PTPRS: variants seen among roughly 807,000 people sequenced by gnomAD.
The protein encoded by PTPRS is protein tyrosine phosphatase receptor type S.
A neutral mutation model predicts 215.3 loss-of-function variants in PTPRS; 63 were observed. The observed-to-expected ratio is 0.29, with a 90% CI of 0.24 to 0.36. PTPRS has a LOEUF of 0.36. Ranked by LOEUF, PTPRS falls within the 10% of genes least tolerant of loss-of-function variation. The pLI is 1.00. For synonymous variants in PTPRS, 1,404 were observed against 1,191.4 expected (o/e 1.18, Z -3.68); for missense variants, 2,258 against 2,825.8 (o/e 0.80, Z 4.56).
intron 33 of PTPRS, among the ~76,000 whole-genome samples, chr19:5,211,217 G>A (rs769035237): frequency 1.3e-5 from 2 of 152,140 alleles, no homozygotes; most frequent in African/African-American, 4.8e-5. Flanking sequence ...TTGACATTTG[G>A]CGCTGGATTG....
intron 1 of PTPRS, among the ~76,000 whole-genome samples, chr19:5,313,871 C>T (rs1022995839): frequency 5.9e-5 from 9 of 152,028 alleles, no homozygotes; most frequent in Admixed American, 3.9e-4. Context: ...CTGAGGCAGG[C>T]GGACTGCTTG....
chr19:5,206,655 A>G lies in PTPRS; in HGVS notation c.*119T>C, dbSNP rs2144877412. 2.4e-6 allele frequency: 2 copies of G among 841,634 alleles called. No homozygotes were observed. The highest frequency in any genetic ancestry group is 5.1e-5 in the East Asian group (2 of 39,296). The allele number at this position is 841,634 out of a possible 1,614,324, so 52.1% of individuals were successfully genotyped here. A position where few individuals can be genotyped will look rare whatever the true frequency, so the allele number is the denominator to read the frequency against. ...GTCCTCGGAAATGGTGCAGAAACAC[A>G]GCTGCTGCCGCTGCCACCTCCTGCC... is the stretch of plus-strand genomic sequence containing the variant. On this transcript the variant is annotated 3_prime_UTR_variant, in exon 38 of 38. Coordinates refer to ENST00000262963, the MANE Select transcript of PTPRS (RefSeq NM_002850.4).
chr19:5,243,727 C>G (rs932400849), intron 11 of PTPRS, among the ~76,000 whole-genome samples, 174 bp downstream of exon 11: 5 of 152,200 alleles, frequency 3.3e-5, no homozygotes. Flanking sequence ...CCGCCTTGGC[C>G]TCCCAAAGTA....
Position 5,206,738 on chromosome 19 carries a change from G to A in PTPRS, c.*36C>T, listed in dbSNP as rs1192692712. 7 of 1,597,236 alleles carry A rather than the reference G, an allele frequency of 4.4e-6. No homozygotes were observed. The highest frequency in any genetic ancestry group is 1.7e-4 in the Middle Eastern group (1 of 6,040). ...CGCCCGGGAGGGGCAGAGGCATCCG[G>A]GGCCAGTGGTGTCGGGCCTGGGGGG... On this transcript the variant is annotated 3_prime_UTR_variant, in exon 38 of 38. Coordinates refer to ENST00000262963, the MANE Select transcript of PTPRS (RefSeq NM_002850.4).
chr19:5,271,356 G>A (rs553964501), intron 4 of PTPRS, among the ~76,000 whole-genome samples: 18 of 152,080 alleles, frequency 1.2e-4, no homozygotes, highest in South Asian at 2.1e-4. Context: ...TCTGGTTCAC[G>A]GAATTACCCC....
intron 19 of PTPRS, 29 bp from the exon 20 acceptor site, chr19:5,221,282 C>A: frequency 6.3e-7 from 1 of 1,594,448 alleles, no homozygotes; most frequent in South Asian, 1.1e-5. Context: ...TCAGCAGGGC[C>A]TGGTGGGCTC....
At chr19:5,334,402 C>A (rs965059767) in intron 1 of PTPRS, among the ~76,000 whole-genome samples, 1 of 152,228 alleles carries the variant, frequency 6.6e-6, no homozygotes, top group Non-Finnish European at 1.5e-5. Context: ...TGCTTACACA[C>A]GTTAACTCAT....
In PTPRS at chr19:5,214,685, C is replaced by T. The variant is rs369756620; in HGVS notation, c.4370G>A (p.Cys1457Tyr). 65 of 1,612,690 alleles carry T rather than the reference C, an allele frequency of 4.0e-5. No individual in the cohort carries two copies. The highest frequency in any genetic ancestry group is 6.7e-5 in the African/African-American group (5 of 74,954). The change falls in exon 29 of 38, where the codon TGT becomes TAT. Residue 1457 changes from cysteine to tyrosine, a missense_variant. Transcript: ENST00000262963. ...CTGCGTGGCAATGTACGCGTTCTGA[C>T]ACCGGTAGCCGTCCACGTAGTTGGC... ...INANYVDGYR[C>Y]QNAYIATQGP... is the part of the protein sequence containing the mutation.
intron 1 of PTPRS, among the ~76,000 whole-genome samples, chr19:5,303,954 A>AAAAAAAAAAATAATAATAATAATAAT: frequency 1.5e-5 from 2 of 132,254 alleles, no homozygotes; most frequent in African/African-American, 6.1e-5. Flanking sequence ...CTGTCTCAAA[A>AAAAAAAAAAATAATAATAATAATAAT]AATAATAATA....
intron 1 of PTPRS, among the ~76,000 whole-genome samples, chr19:5,296,202 T>C (rs1248625673): frequency 1.3e-5 from 2 of 151,978 alleles, no homozygotes; most frequent in African/African-American, 4.8e-5. Flanking sequence ...ACAAAAGAAA[T>C]CAAATCCACT....
intron 1 of PTPRS, among the ~76,000 whole-genome samples, chr19:5,329,133 T>C (rs1441643747): frequency 6.6e-6 from 1 of 151,860 alleles, no homozygotes; most frequent in Admixed American, 6.6e-5. Context: ...AGGGGTGGCC[T>C]GGCCAGAAAC....
chr19:5,229,281 A>T lies in PTPRS; in HGVS notation c.2376+35T>A, dbSNP rs753386477. The T allele has an allele frequency of 2.2e-6, 3 of 1,369,504 alleles. No individual in the cohort carries two copies. In the Admixed American group the frequency reaches 9.4e-5, roughly 43 times the overall value. The allele number at this position is 1,369,504 out of a possible 1,614,324, so 84.8% of individuals were successfully genotyped here. On this transcript the variant is annotated intron_variant, in intron 16 of 37. Coordinates refer to ENST00000262963, the MANE Select transcript of PTPRS (RefSeq NM_002850.4). ...GCACAGCACGGCCCGCGGGAAGCGCACAGCAGTAGGTGGGTGGCCAGGGGC... is the reference window on the plus strand; with the variant it reads ...GCACAGCACGGCCCGCGGGAAGCGCTCAGCAGTAGGTGGGTGGCCAGGGGC...
At chr19:5,280,111 T>G (rs1477581902) in intron 2 of PTPRS, among the ~76,000 whole-genome samples, 1 of 152,226 alleles carries the variant, frequency 6.6e-6, no homozygotes, top group African/African-American at 2.4e-5. Context: ...CAACTCAAAC[T>G]TGAGCAACGC....
rs61729769 is a variant in PTPRS at position 5,214,418 on chromosome 19, C to T, written c.4557G>A (p.Thr1519=). Residue 1519 remains threonine (T), a synonymous_variant, in exon 30 of 38, where the codon ACG becomes ACA. Transcript: ENST00000262963. ...TGGCCAGCTCGATGGTATCTAGCAA[C>T]GTGACCTGGATGAAGCCGTAGGTCT... The part of the protein sequence containing the change: ...GTETYGFIQV[T]LLDTIELATF... 1.8e-4 allele frequency: 294 copies of T among 1,614,190 alleles called. 1 individual carries two copies. In the African/African-American group the frequency reaches 2.3e-3, roughly 12 times the overall value.
At chr19:5,218,110 G>C (rs116078662) in intron 25 of PTPRS, among the ~76,000 whole-genome samples, 1 of 151,866 alleles carries the variant, frequency 6.6e-6, no homozygotes, top group Non-Finnish European at 1.5e-5. Context: ...TCTGCCCAAA[G>C]AAATGAGGGG....
Position 5,207,909 on chromosome 19 carries a change from G to C in PTPRS, c.5778+13C>G, listed in dbSNP as rs2040513225. The C allele has an allele frequency of 3.1e-6, 5 of 1,612,562 alleles. No individual in the cohort carries two copies. Among genetic ancestry groups the C allele is most frequent in the Non-Finnish European group, 4.2e-6 (5 of 1,179,462 alleles). On this transcript the variant is annotated intron_variant, in intron 37 of 37. Transcript: ENST00000262963. Reference sequence around the variant, plus strand: ...TGAGGCCAGGCTGCCTCCCCTCCCTGTCCCATCTTTACCTCTGTCTGCACC... The same window carrying C: ...TGAGGCCAGGCTGCCTCCCCTCCCTCTCCCATCTTTACCTCTGTCTGCACC...
chr19:5,212,309 C>T (rs760280767), intron 31 of PTPRS, 28 bp downstream of exon 31: 68 of 1,609,690 alleles, frequency 4.2e-5, no homozygotes, highest in Middle Eastern at 1.6e-4. Context: ...CGGGGGGAAG[C>T]GGATGGGGCA....
At position 5,214,597 on chromosome 19, in the gene PTPRS, G is replaced by A. The variant is rs1419495529; in HGVS notation, c.4458C>T (p.Thr1486=). ...CCTCCAGCCGCGTCATCATGACGAT[G>A]GTCGCCGACCGCTGCTCCCACACCA... ...WRMVWEQRSA[T]IVMMTRLEEK... The change falls in exon 29 of 38, where the codon ACC becomes ACT. Residue 1486 remains threonine, a synonymous_variant. Transcript: ENST00000262963. The A allele has an allele frequency of 6.2e-7, 1 of 1,612,472 alleles. No individual in the cohort carries two copies. The highest frequency in any genetic ancestry group is 1.7e-5 in the Admixed American group (1 of 60,008).
chr19:5,228,752 G>A (rs993737594), intron 16 of PTPRS, among the ~76,000 whole-genome samples: 1 of 152,224 alleles, frequency 6.6e-6, no homozygotes, highest in Non-Finnish European at 1.5e-5. Context: ...CTTGCCCCAA[G>A]TCACACAGCA....
Sources: gnomAD v4.1 joint callset for allele counts (sites outside exome capture counted in the v4.1 genomes callset) on GRCh38, gnomAD v4.1.1 for gene constraint, MANE v1.5 for transcripts, NCBI Gene and HGNC (gene_info 2026-07-23, HGNC 2026-07-21) for gene names.